Variants in INPP5B observed in about 807,000 individuals in gnomAD.
The protein encoded by INPP5B is type II inositol 1,4,5-trisphosphate 5-phosphatase.
A neutral mutation model predicts 118.5 loss-of-function variants in INPP5B; 90 were observed. That is an observed-to-expected ratio of 0.76 (90% CI 0.64 to 0.90). The LOEUF (loss-of-function observed/expected upper bound fraction) is 0.90, where lower values mean the gene tolerates loss of function less well. INPP5B is among the 40% of genes least tolerant of loss of function. INPP5B has a pLI of 0.00. For missense variants in INPP5B, 984 were observed against 1,125.6 expected, an observed-to-expected ratio of 0.87 and a Z score of 1.80; for synonymous variants, 385 against 418.9, an observed-to-expected ratio of 0.92 and a Z score of 0.99.
At chr1:37,917,553 A>T (rs557211079) in intron 7 of INPP5B, among the ~76,000 whole-genome samples, 30 of 151,424 alleles carry the variant, frequency 2.0e-4, no homozygotes, top group Non-Finnish European at 3.5e-4. Flanking sequence ...CAAACTCCTG[A>T]CCTCAAGCAA....
intron 7 of INPP5B, among the ~76,000 whole-genome samples, chr1:37,920,509 A>G (rs1645014762): frequency 6.6e-6 from 1 of 151,658 alleles, no homozygotes; most frequent in Admixed American, 6.6e-5. Context: ...TACTAAAAAC[A>G]CAAGTATTAC....
chr1:37,867,179 C>G (rs1281052484), intron 20 of INPP5B, among the ~76,000 whole-genome samples: 1 of 152,138 alleles, frequency 6.6e-6, no homozygotes, highest in Non-Finnish European at 1.5e-5. Flanking sequence ...TTGCAGTGAG[C>G]CAAGATGGTG....
At chr1:37,881,882 G>A (rs1375970716) in intron 14 of INPP5B, among the ~76,000 whole-genome samples, 2 of 152,102 alleles carry the variant, frequency 1.3e-5, no homozygotes, top group Non-Finnish European at 2.9e-5. Context: ...GATGGATCAC[G>A]AGGTCAGGAG....
intron 6 of INPP5B, among the ~76,000 whole-genome samples, chr1:37,934,346 G>A (rs1645607080): frequency 6.6e-6 from 1 of 151,946 alleles, no homozygotes; most frequent in East Asian, 1.9e-4. Context: ...AAGACCAAAC[G>A]GAGAAATACA....
intron 16 of INPP5B, among the ~76,000 whole-genome samples, chr1:37,876,641 C>T (rs1348148875): frequency 1.5e-5 from 2 of 134,382 alleles, no homozygotes; most frequent in African/African-American, 2.8e-5. Context: ...GGGCATATCA[C>T]GAGGTCAGGA....
intron 7 of INPP5B, among the ~76,000 whole-genome samples, chr1:37,906,932 C>T (rs531204837): frequency 4.6e-5 from 7 of 151,650 alleles, no homozygotes; most frequent in Non-Finnish European, 8.8e-5. Flanking sequence ...GTTGTGTTTA[C>T]GTTTTTTCCT....
At position 37,862,080 on chromosome 1, in the gene INPP5B, T is replaced by A. The variant is rs1027370952; in HGVS notation, c.*235A>T. Reference sequence around the variant, plus strand: ...AATAAAAAAATCTGTGTTAAATAACTAAAGTTGAAAATTGAATGTCAGTTT... The same window carrying A: ...AATAAAAAAATCTGTGTTAAATAACAAAAGTTGAAAATTGAATGTCAGTTT... On this transcript the variant is annotated 3_prime_UTR_variant, in exon 24 of 24. Coordinates refer to ENST00000373024, the MANE Select transcript of INPP5B (RefSeq NM_005540.3). 4 of 448,868 alleles carry A rather than the reference T, an allele frequency of 8.9e-6. No individual in the cohort carries two copies. Among genetic ancestry groups the A allele is most frequent in the African/African-American group, 8.0e-5 (4 of 49,780 alleles). The allele number at this position is 448,868 out of a possible 1,614,324, so 27.8% of individuals were successfully genotyped here. A position where few individuals can be genotyped will look rare whatever the true frequency, so the allele number is the denominator to read the frequency against.
At position 37,866,519 on chromosome 1, in the gene INPP5B, G is replaced by A; in HGVS notation, c.2326C>T (p.Leu776=). 6.2e-7 allele frequency: 1 copy of A among 1,609,526 alleles called. No homozygotes were observed. Among genetic ancestry groups the A allele is most frequent in the Non-Finnish European group, 8.5e-7 (1 of 1,176,092 alleles). The change falls in exon 21 of 24, where the codon CTG becomes TTG. Residue 776 remains leucine, a synonymous_variant. Coordinates refer to ENST00000373024, the MANE Select transcript of INPP5B (RefSeq NM_005540.3). ...CTGATATGTTCAAATTCTGACCTCAGGCCTGGTTGCTGAAACAGATCTTCC... is the reference window on the plus strand; with the variant it reads ...CTGATATGTTCAAATTCTGACCTCAAGCCTGGTTGCTGAAACAGATCTTCC... ...QQEDLFQQPG[L]RSEFEHIRDC...
intron 15 of INPP5B, among the ~76,000 whole-genome samples, chr1:37,878,995 C>G (rs776504292): frequency 6.6e-6 from 1 of 150,682 alleles, no homozygotes; most frequent in Non-Finnish European, 1.5e-5. Flanking sequence ...CGGTGGCTCA[C>G]GCCTGTAATC....
chr1:37,887,491 T>G, intron 10 of INPP5B, 26 bp from the exon 11 acceptor site: 2 of 1,372,486 alleles, frequency 1.5e-6, no homozygotes, highest in Non-Finnish European at 1.0e-6. Context: ...ACCAGTTAGA[T>G]AGTAAAGAAA....
rs181476466 is a variant in INPP5B, at chr1:37,927,980, C to A, written c.532+3933G>T. Among the ~76,000 whole-genome samples the A allele has an allele frequency of 1.1e-3, 167 of 152,264 alleles. 1 individual carries two copies. The highest frequency in any genetic ancestry group is 1.9e-3 in the Non-Finnish European group (126 of 68,026). ...TTAATGCAAAGGCAAAGAATGAAGA[C>A]CAGATTCACCTATCCCCCAAAATGC... On this transcript the variant is annotated intron_variant, in intron 7 of 23. Transcript: ENST00000373024.
In INPP5B at chr1:37,907,785, A is replaced by G. The variant is rs986762232; in HGVS notation, c.533-16331T>C. ...CGGTAATGTCAGGAAGTTACCCTAT[A>G]TGGTCTAAAAAGGGGAGGCATGAAT... On this transcript the variant is annotated intron_variant, in intron 7 of 23. Transcript: ENST00000373024. The surrounding 1 kb of genome is among the most constrained non-coding windows in gnomAD (Gnocchi z 4.3). Among the ~76,000 whole-genome samples, 24 of 152,114 alleles carry G rather than the reference A, an allele frequency of 1.6e-4. No homozygotes were observed. The highest frequency in any genetic ancestry group is 2.4e-5 in the African/African-American group (1 of 41,420).
chr1:37,869,321 T>A (rs940535710), intron 19 of INPP5B, among the ~76,000 whole-genome samples: 18 of 151,668 alleles, frequency 1.2e-4, no homozygotes, highest in South Asian at 1.0e-3. Context: ...ATTTTTTTTT[T>A]AAATTTTGAG....
At chr1:37,888,025 A>T (rs1643638239) in intron 10 of INPP5B, among the ~76,000 whole-genome samples, 1 of 152,228 alleles carries the variant, frequency 6.6e-6, no homozygotes, top group Non-Finnish European at 1.5e-5. Flanking sequence ...TTAACAGAAG[A>T]TTACACTAAA....
chr1:37,886,854 C>A, intron 12 of INPP5B, 34 bp downstream of exon 12: 1 of 1,529,784 alleles, frequency 6.5e-7, no homozygotes. Flanking sequence ...AGCTAAGGTC[C>A]TCAATGTGCC....
intron 7 of INPP5B, among the ~76,000 whole-genome samples, chr1:37,895,444 T>C (rs1643993015): frequency 6.6e-6 from 1 of 151,998 alleles, no homozygotes; most frequent in African/African-American, 2.4e-5. Flanking sequence ...GCTTGGACAA[T>C]AGAGACCCCT....
rs777731980 is a variant in INPP5B, at chr1:37,889,626, A to C, written c.728T>G (p.Leu243Arg). 3.7e-6 allele frequency: 6 copies of C among 1,613,742 alleles called. No individual in the cohort carries two copies. Among genetic ancestry groups the C allele is most frequent in the Non-Finnish European group, 5.1e-6 (6 of 1,179,774 alleles). Residue 243 changes from leucine (L) to arginine (R), a missense_variant, in exon 9 of 24, where the codon CTG (leucine) becomes CGG (arginine). Coordinates refer to ENST00000373024, the MANE Select transcript of INPP5B (RefSeq NM_005540.3). ...AHILSMQKFG[L>R]RDTIVKSHLL... ...ATGTGATTTCACAATTGTATCTCGC[A>C]GTCCAAACTTCTGCATGGATAAAAT...
Position 37,901,977 on chromosome 1 carries a change from T to C in INPP5B, c.533-10523A>G, listed in dbSNP as rs1448489474. On this transcript the variant is annotated intron_variant, in intron 7 of 23. Transcript: ENST00000373024. ...CCCCATGTTCGGTCACCAAGTCTTA[T>C]GAATCCTCTATTAAATTTTTTTTTT... 3.6e-5 allele frequency among the ~76,000 whole-genome samples: 5 copies of C among 140,334 alleles called. No homozygotes were observed. In the South Asian group the frequency reaches 9.5e-4, roughly 27 times the overall value. The allele number at this position is 140,334 out of a possible 152,430, so 92.1% of individuals were successfully genotyped here. A position where few individuals can be genotyped will look rare whatever the true frequency, so the allele number is the denominator to read the frequency against.
At chr1:37,870,483 C>T (rs1167991458) in intron 19 of INPP5B, among the ~76,000 whole-genome samples, 1 of 152,158 alleles carries the variant, frequency 6.6e-6, no homozygotes, top group African/African-American at 2.4e-5. Flanking sequence ...ACGTTGAAAC[C>T]TAATCCCTCA....
Sources: gnomAD v4.1 joint callset for allele counts (sites outside exome capture counted in the v4.1 genomes callset) on GRCh38, gnomAD v4.1.1 for gene constraint, Gnocchi (gnomAD v3.1) non-coding constraint, MANE v1.5 for transcripts, NCBI Gene and HGNC (gene_info 2026-07-23, HGNC 2026-07-21) for gene names.